The following ZBTB8B variants were observed in gnomAD, a reference collection of about 807,000 sequenced individuals.
ZBTB8B encodes zinc finger and BTB domain containing 8B.
ZBTB8B carries 17 observed loss-of-function variants against 30.3 expected under a neutral mutation model. That is an observed-to-expected ratio of 0.56 (90% CI 0.38 to 0.84). The LOEUF (loss-of-function observed/expected upper bound fraction) is 0.84, where lower values mean the gene tolerates loss of function less well. Ranked by LOEUF, ZBTB8B falls within the 40% of genes least tolerant of loss-of-function variation. The pLI is 0.00. For missense variants in ZBTB8B, 515 were observed against 644.9 expected (o/e 0.80, Z 2.18); for synonymous variants, 248 against 255.6 (o/e 0.97, Z 0.28).
At position 32,496,185 on chromosome 1, in the gene ZBTB8B, C is replaced by T. The variant is rs1643816201; in HGVS notation, c.*10767C>T. On this transcript the variant is annotated 3_prime_UTR_variant, in exon 4 of 4. Coordinates refer to ENST00000609129, the MANE Select transcript of ZBTB8B (RefSeq NM_001145720.2). Reference sequence around the variant, plus strand: ...GTAATACGAGACAATTTCTGGCAGACTATCCCAAGCTGGGACATTTTAGAT... The same window carrying T: ...GTAATACGAGACAATTTCTGGCAGATTATCCCAAGCTGGGACATTTTAGAT... 1 of 152,306 alleles carries T rather than the reference C, an allele frequency of 6.6e-6. No individual in the cohort carries two copies. Among genetic ancestry groups the T allele is most frequent in the South Asian group, 2.1e-4 (1 of 4,818 alleles). The allele number at this position is 152,306 out of a possible 1,614,324, so 9.4% of individuals were successfully genotyped here.
At position 32,496,059 on chromosome 1, in the gene ZBTB8B, C is replaced by T. The variant is rs1467786389; in HGVS notation, c.*10641C>T. On this transcript the variant is annotated 3_prime_UTR_variant, in exon 4 of 4. Transcript: ENST00000609129. ...GATTTTAGTTAAGGAAAAAAATAAC[C>T]CCACAAAATAAAGAGAACTATTAGA... 6.6e-6 allele frequency: 1 copy of T among 151,632 alleles called. No individual in the cohort carries two copies. The highest frequency in any genetic ancestry group is 1.5e-5 in the Non-Finnish European group (1 of 67,922). The allele number at this position is 151,632 out of a possible 1,614,324, so 9.4% of individuals were successfully genotyped here. A position where few individuals can be genotyped will look rare whatever the true frequency, so the allele number is the denominator to read the frequency against.
Position 32,491,716 on chromosome 1 carries a change from G to T in ZBTB8B, c.*6298G>T, listed in dbSNP as rs1643780706. 1 of 152,200 alleles carries T rather than the reference G, an allele frequency of 6.6e-6. No homozygotes were observed. Among genetic ancestry groups the T allele is most frequent in the African/African-American group, 2.4e-5 (1 of 41,448 alleles). The allele number at this position is 152,200 out of a possible 1,614,324, so 9.4% of individuals were successfully genotyped here. A position where few individuals can be genotyped will look rare whatever the true frequency, so the allele number is the denominator to read the frequency against. The stretch of plus-strand genomic sequence containing the variant: ...GCGTCACTGTACTTAGGGATGCCCA[G>T]AGCTGAGGCTTCCTATCAGGCATTT... On this transcript the variant is annotated 3_prime_UTR_variant, in exon 4 of 4. Coordinates refer to ENST00000609129, the MANE Select transcript of ZBTB8B (RefSeq NM_001145720.2).
intron 2 of ZBTB8B, among the ~76,000 whole-genome samples, chr1:32,476,067 C>T (rs1207165937): frequency 9.2e-5 from 14 of 152,136 alleles, no homozygotes; most frequent in Non-Finnish European, 1.5e-5. Flanking sequence ...ATCCACCCGC[C>T]TCAGCCTCCT....
chr1:32,471,425 G>T lies in ZBTB8B; in HGVS notation c.801G>T (p.Ala267=), dbSNP rs1433197086. Residue 267 remains alanine (A), a synonymous_variant, in exon 2 of 4, where the codon GCG becomes GCT. Transcript: ENST00000609129. ...HVEEALPSGQ[A]VDLAYSNYHV... is the part of the protein sequence containing the mutation. The stretch of plus-strand genomic sequence containing the variant: ...AGGAGGCCTTGCCAAGCGGCCAGGC[G>T]GTTGACTTGGCTTACAGCAACTACC... The T allele has an allele frequency of 6.4e-7, 1 of 1,551,812 alleles. No individual in the cohort carries two copies. The highest frequency in any genetic ancestry group is 1.2e-5 in the South Asian group (1 of 84,066).
Position 32,493,748 on chromosome 1 carries a change from A to G in ZBTB8B, c.*8330A>G, listed in dbSNP as rs907758923. ...AATAATATGGTTTTCTTATTTAAAA[A>G]ATAATATAGTATGTAAATTATTTTT... On this transcript the variant is annotated 3_prime_UTR_variant, in exon 4 of 4. Coordinates refer to ENST00000609129, the MANE Select transcript of ZBTB8B (RefSeq NM_001145720.2). 6.6e-6 allele frequency: 1 copy of G among 151,966 alleles called. No individual in the cohort carries two copies. Among genetic ancestry groups the G allele is most frequent in the African/African-American group, 2.4e-5 (1 of 41,410 alleles). The allele number at this position is 151,966 out of a possible 1,614,324, so 9.4% of individuals were successfully genotyped here. A position where few individuals can be genotyped will look rare whatever the true frequency, so the allele number is the denominator to read the frequency against.
chr1:32,483,696 T>C (rs1484920275), intron 3 of ZBTB8B, among the ~76,000 whole-genome samples: 2 of 151,444 alleles, frequency 1.3e-5, no homozygotes, highest in Non-Finnish European at 2.9e-5. Context: ...AAGTATACTT[T>C]AATAAAAATA....
rs1256076372 is a variant in ZBTB8B at position 32,470,658 on chromosome 1, G to C, written c.34G>C (p.Gly12Arg). 6.4e-7 allele frequency: 1 copy of C among 1,551,558 alleles called. No homozygotes were observed. The highest frequency in any genetic ancestry group is 8.7e-7 in the Non-Finnish European group (1 of 1,146,956). ...GCAATCCTATTATGCCAAGCTTTTG[G>C]GGGAGCTGAATGAACAGAGAAAGAG... ...EMQSYYAKLL[G>R]ELNEQRKRDF... The change falls in exon 2 of 4, where the codon GGG becomes CGG. Residue 12 changes from glycine (G) to arginine (R), a missense_variant. Coordinates refer to ENST00000609129, the MANE Select transcript of ZBTB8B (RefSeq NM_001145720.2).
intron 2 of ZBTB8B, among the ~76,000 whole-genome samples, chr1:32,476,828 G>T (rs549500468): frequency 6.6e-6 from 1 of 151,874 alleles, no homozygotes; most frequent in African/African-American, 2.4e-5. Context: ...TACAGGTAAA[G>T]TCCAAGTTTC....
At chr1:32,483,140 C>T (rs182057729) in intron 3 of ZBTB8B, among the ~76,000 whole-genome samples, 17 of 149,992 alleles carry the variant, frequency 1.1e-4, no homozygotes, top group African/African-American at 3.9e-4. Flanking sequence ...CCTGTAATCC[C>T]AGCACTTTGG....
rs1643726517 is a variant in ZBTB8B at position 32,484,002 on chromosome 1, C to G, written c.1171-1099C>G. 6.6e-6 allele frequency among the ~76,000 whole-genome samples: 1 copy of G among 152,060 alleles called. No homozygotes were observed. The stretch of plus-strand genomic sequence containing the variant: ...GAAGGATCACTTTAGGCCAGGAGTT[C>G]AAGACCAGTCTGGGCAACATAGTGA... On this transcript the variant is annotated intron_variant, in intron 3 of 3. Transcript: ENST00000609129. The surrounding 1 kb of genome is among the most constrained non-coding windows in gnomAD (Gnocchi z 4.5).
At position 32,471,617 on chromosome 1, in the gene ZBTB8B, T is replaced by A; in HGVS notation, c.991+2T>A. The A allele has an allele frequency of 6.5e-7, 1 of 1,547,748 alleles. No individual in the cohort carries two copies. On this transcript the variant is annotated splice_donor_variant, in intron 2 of 3. Transcript: ENST00000609129. LOFTEE classifies it high-confidence loss of function. The stretch of plus-strand genomic sequence containing the variant: ...CTGACTGGTATGGAGAGGACTCAGG[T>A]GAGCTCCCTTAGCATTCATCAGCCC...
intron 2 of ZBTB8B, among the ~76,000 whole-genome samples, chr1:32,480,279 G>A (rs1000687857): frequency 6.6e-6 from 1 of 151,606 alleles, no homozygotes; most frequent in African/African-American, 2.4e-5. Flanking sequence ...TGGGGGTGGG[G>A]GTGAGAGGAA....
rs1349594312 is a variant in ZBTB8B at position 32,480,934 on chromosome 1, C to T, written c.1035C>T (p.Phe345=). Reference sequence around the variant, plus strand: ...CCATCAAGCTCCACAAGTGTCCTTTCTGCCCTTACACTGCCAAACAGAAGG... The same window carrying T: ...CCATCAAGCTCCACAAGTGTCCTTTTTGCCCTTACACTGCCAAACAGAAGG... ...VVPIKLHKCP[F]CPYTAKQKGI... The change falls in exon 3 of 4, where the codon TTC becomes TTT. Residue 345 remains phenylalanine (F), a synonymous_variant. Transcript: ENST00000609129. The T allele has an allele frequency of 6.4e-7, 1 of 1,552,110 alleles. No homozygotes were observed. Among genetic ancestry groups the T allele is most frequent in the East Asian group, 2.4e-5 (1 of 40,932 alleles).
In ZBTB8B at chr1:32,470,954, G is replaced by T. The variant is rs763810023; in HGVS notation, c.330G>T (p.Val110=). Residue 110 remains valine (V), a synonymous_variant, in exon 2 of 4, where the codon GTG becomes GTT. Coordinates refer to ENST00000609129, the MANE Select transcript of ZBTB8B (RefSeq NM_001145720.2). Reference sequence around the variant, plus strand: ...CCAGCTACCTGCAGATGAATGACGTGGTGAACTTCTGCAAGACATACATTA... The same window carrying T: ...CCAGCTACCTGCAGATGAATGACGTTGTGAACTTCTGCAAGACATACATTA... ...SAASYLQMND[V]VNFCKTYIRS... The T allele has an allele frequency of 1.3e-6, 2 of 1,552,092 alleles. No homozygotes were observed. Among genetic ancestry groups the T allele is most frequent in the Admixed American group, 2.0e-5 (1 of 50,982 alleles).
At chr1:32,467,983 G>T (rs530884934) in intron 1 of ZBTB8B, among the ~76,000 whole-genome samples, 2 of 151,972 alleles carry the variant, frequency 1.3e-5, no homozygotes, top group African/African-American at 4.8e-5. Context: ...TGGCGTGGGG[G>T]TGGGTACCTG....
At chr1:32,483,241 A>C (rs1165676598) in intron 3 of ZBTB8B, among the ~76,000 whole-genome samples, 2 of 118,830 alleles carry the variant, frequency 1.7e-5, no homozygotes, top group African/African-American at 6.1e-5. Flanking sequence ...TCTACTAAAA[A>C]TCCAAAAAAA....
In ZBTB8B at chr1:32,493,863, G is replaced by A. The variant is rs1643797874; in HGVS notation, c.*8445G>A. On this transcript the variant is annotated 3_prime_UTR_variant, in exon 4 of 4. Coordinates refer to ENST00000609129, the MANE Select transcript of ZBTB8B (RefSeq NM_001145720.2). The stretch of plus-strand genomic sequence containing the variant: ...GATGGGGAGGAGCCCCACTGCATCT[G>A]GAGTGGGTCTTGGCTGGCCATGTGA... 6.6e-6 allele frequency: 1 copy of A among 152,098 alleles called. No homozygotes were observed. The highest frequency in any genetic ancestry group is 2.4e-5 in the African/African-American group (1 of 41,424). The allele number at this position is 152,098 out of a possible 1,614,324, so 9.4% of individuals were successfully genotyped here. A position where few individuals can be genotyped will look rare whatever the true frequency, so the allele number is the denominator to read the frequency against.
chr1:32,479,233 A>G (rs1643686139), intron 2 of ZBTB8B, among the ~76,000 whole-genome samples: 6 of 152,188 alleles, frequency 3.9e-5, no homozygotes, highest in Admixed American at 3.9e-4. Context: ...GATAGAGAGA[A>G]CAAATCTCGG....
In ZBTB8B at chr1:32,495,934, G is replaced by A. The variant is rs576929391; in HGVS notation, c.*10516G>A. On this transcript the variant is annotated 3_prime_UTR_variant, in exon 4 of 4. Transcript: ENST00000609129. ...TGAATGCAATAAGGAATTGAGGATCGTCTCACATTAATGAGTGAATAACCC... is the reference window on the plus strand; with the variant it reads ...TGAATGCAATAAGGAATTGAGGATCATCTCACATTAATGAGTGAATAACCC... 3 of 152,110 alleles carry A rather than the reference G, an allele frequency of 2.0e-5. No individual in the cohort carries two copies. The highest frequency in any genetic ancestry group is 4.8e-5 in the African/African-American group (2 of 41,510). 9.4% of individuals were successfully genotyped at this position (152,110 alleles called of 1,614,324 possible).
Sources: allele counts gnomAD v4.1 joint callset (sites outside exome capture counted in the v4.1 genomes callset), GRCh38; gene constraint gnomAD v4.1.1; non-coding constraint Gnocchi (gnomAD v3.1); transcripts MANE v1.5; gene names NCBI Gene and HGNC (gene_info 2026-07-23, HGNC 2026-07-21).